The following ATG4C variants were observed in gnomAD, a reference collection of about 807,000 sequenced individuals.
The protein encoded by ATG4C is cysteine protease ATG4C.
A neutral mutation model predicts 57.6 loss-of-function variants in ATG4C; 56 were observed. The ratio of observed to expected loss-of-function variants is 0.97; its 90% CI spans 0.78 to 1.21. ATG4C has a LOEUF of 1.21. ATG4C is among the 50% of genes most tolerant of loss of function. The probability of loss-of-function intolerance (pLI) is 0.00; values close to 1 mark genes in which losing one functional copy is unlikely to be tolerated. For missense variants in ATG4C, 595 were observed against 529.8 expected (o/e 1.12, Z -1.21); for synonymous variants, 157 against 174.1 (o/e 0.90, Z 0.78).
At chr1:62,862,650 C>T (rs1278917756) in intron 10 of ATG4C, among the ~76,000 whole-genome samples, 1 of 151,936 alleles carries the variant, frequency 6.6e-6, no homozygotes, top group Middle Eastern at 3.2e-3. Flanking sequence ...ACTATAGGAT[C>T]TGATTTTCAT....
intron 7 of ATG4C, among the ~76,000 whole-genome samples, chr1:62,831,532 A>G (rs1665838903): frequency 6.6e-6 from 1 of 152,150 alleles, no homozygotes; most frequent in Non-Finnish European, 1.5e-5. Context: ...CGTCCTTACC[A>G]CAGGAGGTTT....
chr1:62,855,349 C>A (rs529237470), intron 10 of ATG4C, among the ~76,000 whole-genome samples: 2 of 152,030 alleles, frequency 1.3e-5, no homozygotes, highest in South Asian at 2.1e-4. Context: ...TCTCATACCC[C>A]CTTTTATTCT....
intron 7 of ATG4C, among the ~76,000 whole-genome samples, chr1:62,831,760 G>A (rs1441028133): frequency 6.6e-6 from 1 of 152,066 alleles, no homozygotes; most frequent in South Asian, 2.1e-4. Context: ...CAAAGATACA[G>A]CCTCTTACAT....
At chr1:62,798,992 G>A (rs536344512) in intron 1 of ATG4C, among the ~76,000 whole-genome samples, 3 of 152,278 alleles carry the variant, frequency 2.0e-5, no homozygotes, top group African/African-American at 7.2e-5. Flanking sequence ...AGGTTGGAGT[G>A]CAGTAGCACA....
intron 5 of ATG4C, among the ~76,000 whole-genome samples, 184 bp downstream of exon 5, chr1:62,819,519 A>G (rs1323388053): frequency 2.6e-5 from 4 of 152,036 alleles, no homozygotes; most frequent in South Asian, 2.1e-4. Context: ...GTTACATTTA[A>G]TTTATTTACT....
At chr1:62,824,243 G>T (rs1243568259) in intron 6 of ATG4C, among the ~76,000 whole-genome samples, 3 of 152,048 alleles carry the variant, frequency 2.0e-5, no homozygotes, top group Non-Finnish European at 4.4e-5. Context: ...TAAATAAATT[G>T]CAGGTCCTCA....
intron 1 of ATG4C, among the ~76,000 whole-genome samples, chr1:62,802,102 C>G (rs1664698532): frequency 6.6e-6 from 1 of 151,680 alleles, no homozygotes; most frequent in African/African-American, 2.4e-5. Context: ...CTGATGTTTC[C>G]TATCTCAGTG....
At chr1:62,785,618 T>G (rs759677988) in intron 1 of ATG4C, among the ~76,000 whole-genome samples, 16 of 152,246 alleles carry the variant, frequency 1.1e-4, no homozygotes, top group Non-Finnish European at 2.1e-4. Flanking sequence ...TCTGGCTTTC[T>G]GGGGAACCAC....
At chr1:62,857,408 A>G (rs1666719260) in intron 10 of ATG4C, among the ~76,000 whole-genome samples, 1 of 152,182 alleles carries the variant, frequency 6.6e-6, no homozygotes, top group African/African-American at 2.4e-5. Context: ...CATCATCCCC[A>G]GATGGGACAG....
At chr1:62,853,957 C>A (rs1488564604) in intron 10 of ATG4C, among the ~76,000 whole-genome samples, 2 of 151,652 alleles carry the variant, frequency 1.3e-5, no homozygotes, top group Admixed American at 6.6e-5. Context: ...CTCTTTTTTC[C>A]TTTTGTTTCT....
At chr1:62,848,225 A>G (rs142159529) in intron 10 of ATG4C, among the ~76,000 whole-genome samples, 3 of 152,188 alleles carry the variant, frequency 2.0e-5, no homozygotes, top group East Asian at 3.9e-4. Flanking sequence ...AGGTCTTCCT[A>G]TTGAATTACA....
intron 1 of ATG4C, among the ~76,000 whole-genome samples, chr1:62,786,451 A>G (rs1160573832): frequency 6.6e-6 from 1 of 151,920 alleles, no homozygotes; most frequent in Non-Finnish European, 1.5e-5. Flanking sequence ...TAACTAGGGA[A>G]TGTTTCATGA....
intron 4 of ATG4C, among the ~76,000 whole-genome samples, chr1:62,817,426 AC>A (rs772940620): frequency 5.9e-5 from 9 of 152,164 alleles, no homozygotes; most frequent in Non-Finnish European, 1.0e-4. Context: ...GCTCATTGCA[AC>A]TTCGAACTCC....
intron 7 of ATG4C, among the ~76,000 whole-genome samples, chr1:62,829,759 G>A (rs1418780724): frequency 6.6e-6 from 1 of 151,798 alleles, no homozygotes; most frequent in Non-Finnish European, 1.5e-5. Flanking sequence ...GTGTAGTTAT[G>A]GTATCTTGTT....
intron 10 of ATG4C, among the ~76,000 whole-genome samples, chr1:62,851,869 G>A (rs149647819): frequency 2.0e-5 from 3 of 152,266 alleles, no homozygotes; most frequent in East Asian, 3.9e-4. Context: ...GGATCAGTGA[G>A]CAACAGCAGT....
intron 10 of ATG4C, among the ~76,000 whole-genome samples, chr1:62,849,633 T>A (rs1325949956): frequency 6.6e-6 from 1 of 152,064 alleles, no homozygotes; most frequent in Non-Finnish European, 1.5e-5. Context: ...TGCCTCAGCC[T>A]CCTGAGTAGC....
At chr1:62,803,902 A>G (rs1205714662) in intron 2 of ATG4C, 40 bp downstream of exon 2, 4 of 1,236,894 alleles carry the variant, frequency 3.2e-6, no homozygotes, top group East Asian at 5.0e-5. Context: ...ATCCAAAGAA[A>G]TATTTGACAA....
At chr1:62,810,711 G>GTTTT (rs10677674) in intron 3 of ATG4C, among the ~76,000 whole-genome samples, 12 of 141,528 alleles carry the variant, frequency 8.5e-5, no homozygotes, top group African/African-American at 1.0e-4. Flanking sequence ...TTGAGTCCTT[G>GTTTT]TTTTTTTTTT....
intron 7 of ATG4C, among the ~76,000 whole-genome samples, chr1:62,830,222 C>A (rs988277099): frequency 6.6e-6 from 1 of 152,012 alleles, no homozygotes; most frequent in African/African-American, 2.4e-5. Context: ...TATTAATCTT[C>A]CAAATAAAGG....
Sources: allele counts gnomAD v4.1 joint callset (sites outside exome capture counted in the v4.1 genomes callset), GRCh38; gene constraint gnomAD v4.1.1; transcripts MANE v1.5; gene names NCBI Gene and HGNC (gene_info 2026-07-23, HGNC 2026-07-21).